Variants in CACNA2D2 observed in about 807,000 individuals in gnomAD.
The protein encoded by CACNA2D2 is voltage-dependent calcium channel subunit alpha-2/delta-2.
CACNA2D2 carries 48 observed loss-of-function variants against 166.4 expected under a neutral mutation model. The observed-to-expected ratio is 0.29, with a 90% CI of 0.23 to 0.37. CACNA2D2 has a LOEUF of 0.37. Ranked by LOEUF, CACNA2D2 falls within the 10% of genes least tolerant of loss-of-function variation. CACNA2D2 has a pLI of 1.00. For missense variants in CACNA2D2, 1,122 were observed against 1,433.0 expected, an observed-to-expected ratio of 0.78 and a Z score of 3.50; for synonymous variants, 561 against 573.7, an observed-to-expected ratio of 0.98 and a Z score of 0.32.
chr3:50,365,268 G>A lies in CACNA2D2; in HGVS notation c.3099-84C>T. The A allele has an allele frequency of 8.3e-7, 1 of 1,208,876 alleles. No homozygotes were observed. Among genetic ancestry groups the A allele is most frequent in the South Asian group, 1.4e-5 (1 of 69,720 alleles). The allele number at this position is 1,208,876 out of a possible 1,614,324, so 74.9% of individuals were successfully genotyped here. ...CCTGCGGCCCCGCCCCCGGCCGCTCGGAGGCCCCGCCCCTTCCATCCTCCC... is the reference window on the plus strand; with the variant it reads ...CCTGCGGCCCCGCCCCCGGCCGCTCAGAGGCCCCGCCCCTTCCATCCTCCC... On this transcript the variant is annotated intron_variant, in intron 35 of 37. Transcript: ENST00000424201. This position sits in a 1 kb window ranked among gnomAD's most constrained non-coding sequence, Gnocchi z 4.5.
intron 1 of CACNA2D2, among the ~76,000 whole-genome samples, chr3:50,477,911 C>T (rs1054690012): frequency 6.6e-6 from 1 of 152,288 alleles, no homozygotes; most frequent in Non-Finnish European, 1.5e-5. Context: ...TCCTGCCCTG[C>T]CTCCTCCACT....
chr3:50,368,513 G>C (rs756936256), intron 23 of CACNA2D2, among the ~76,000 whole-genome samples: 3 of 152,190 alleles, frequency 2.0e-5, no homozygotes, highest in Non-Finnish European at 4.4e-5. Context: ...CTCCGGTGTA[G>C]CTGGACCCAG....
chr3:50,382,587 T>C (rs941357725), intron 6 of CACNA2D2, among the ~76,000 whole-genome samples: 3 of 152,260 alleles, frequency 2.0e-5, no homozygotes, highest in African/African-American at 7.2e-5. Context: ...TTTCAAGCAT[T>C]GGCTCTGCTT....
At chr3:50,471,459 T>G (rs1710091788) in intron 2 of CACNA2D2, among the ~76,000 whole-genome samples, 1 of 152,172 alleles carries the variant, frequency 6.6e-6, no homozygotes, top group South Asian at 2.1e-4. Context: ...CTTCTTCCTC[T>G]TCTGCTCCAG....
intron 2 of CACNA2D2, among the ~76,000 whole-genome samples, chr3:50,472,785 C>A (rs1710153341): frequency 6.6e-6 from 1 of 152,116 alleles, no homozygotes; most frequent in Admixed American, 6.5e-5. Flanking sequence ...CCCCATGCAC[C>A]CCCAGGCACC....
Position 50,367,458 on chromosome 3 carries a change from A to G in CACNA2D2, c.2337T>C (p.Asn779=). The G allele has an allele frequency of 6.8e-6, 11 of 1,613,922 alleles. No homozygotes were observed. The highest frequency in any genetic ancestry group is 7.6e-6 in the Non-Finnish European group (9 of 1,179,996). ...CCAGGCTGCGGCGGTAGAAGCTGGC[A>G]TTGAAGGGCTCAGGGTTCTCTGTCC... ...EDWTENPEPF[N]ASFYRRSLDN... Residue 779 remains asparagine, a synonymous_variant, in exon 27 of 38, where the codon AAT becomes AAC. Transcript: ENST00000424201. This position sits in a 1 kb window ranked among gnomAD's most constrained non-coding sequence, Gnocchi z 6.5.
At chr3:50,404,419 G>C (rs1706593781) in intron 3 of CACNA2D2, among the ~76,000 whole-genome samples, 3 of 152,174 alleles carry the variant, frequency 2.0e-5, no homozygotes, top group Non-Finnish European at 4.4e-5. Context: ...AAGTCCCCGG[G>C]GCTCTGCTGG....
intron 1 of CACNA2D2, among the ~76,000 whole-genome samples, chr3:50,479,504 T>C (rs973898185): frequency 1.3e-5 from 2 of 152,226 alleles, no homozygotes; most frequent in African/African-American, 4.8e-5. Context: ...AGATGTGACT[T>C]TGTGGGTTCT....
intron 2 of CACNA2D2, among the ~76,000 whole-genome samples, chr3:50,448,977 C>G (rs771406700): frequency 6.6e-5 from 10 of 152,228 alleles, no homozygotes; most frequent in Non-Finnish European, 1.2e-4. Context: ...TTCCTGCCCA[C>G]CCCCATCCCA....
intron 2 of CACNA2D2, among the ~76,000 whole-genome samples, chr3:50,438,853 G>C (rs142582406): frequency 1.3e-5 from 2 of 152,226 alleles, no homozygotes; most frequent in African/African-American, 4.8e-5. Flanking sequence ...GGAGAGTGGG[G>C]AAAAGCAAGG....
At chr3:50,501,124 G>A (rs1698944356) in intron 1 of CACNA2D2, among the ~76,000 whole-genome samples, 1 of 152,156 alleles carries the variant, frequency 6.6e-6, no homozygotes, top group South Asian at 2.1e-4. Flanking sequence ...AGAAGGTTCT[G>A]GGAGGTCACC....
At chr3:50,493,701 C>A (rs1325018828) in intron 1 of CACNA2D2, among the ~76,000 whole-genome samples, 1 of 152,244 alleles carries the variant, frequency 6.6e-6, no homozygotes, top group Non-Finnish European at 1.5e-5. Context: ...AGACTCAGAT[C>A]TTGAGGGGGT....
chr3:50,434,297 C>T lies in CACNA2D2; in HGVS notation c.405+16G>A, dbSNP rs2106891492. The T allele has an allele frequency of 6.3e-7, 1 of 1,595,162 alleles. No individual in the cohort carries two copies. The highest frequency in any genetic ancestry group is 1.3e-5 in the African/African-American group (1 of 74,666). The stretch of plus-strand genomic sequence containing the variant: ...TCCCTCAGTGCCGCCCCCCTGCCCC[C>T]AAAACACACACCTACCTTCAGGGCC... On this transcript the variant is annotated intron_variant, in intron 3 of 37. Transcript: ENST00000424201.
chr3:50,482,747 A>G (rs536948486), intron 1 of CACNA2D2, among the ~76,000 whole-genome samples: 7 of 152,316 alleles, frequency 4.6e-5, no homozygotes, highest in African/African-American at 1.7e-4. Context: ...CAGAGACCCA[A>G]TGCAGCAGAG....
chr3:50,419,560 G>T (rs902370778), intron 3 of CACNA2D2, among the ~76,000 whole-genome samples: 2 of 152,158 alleles, frequency 1.3e-5, no homozygotes, highest in East Asian at 3.9e-4. Context: ...CATTGGGCTC[G>T]GGAGTGAACC....
At chr3:50,413,183 T>G (rs1406404108) in intron 3 of CACNA2D2, among the ~76,000 whole-genome samples, 1 of 147,118 alleles carries the variant, frequency 6.8e-6, no homozygotes, top group Non-Finnish European at 1.5e-5. Context: ...GGTAGGGGGG[T>G]GGTGGTGGAG....
At position 50,380,144 on chromosome 3, in the gene CACNA2D2, T is replaced by C. The variant is rs1402153871; in HGVS notation, c.843-126A>G. 7.9e-6 allele frequency: 7 copies of C among 880,922 alleles called. No individual in the cohort carries two copies. In the African/African-American group the frequency reaches 8.3e-5, roughly 10 times the overall value. The allele number at this position is 880,922 out of a possible 1,614,324, so 54.6% of individuals were successfully genotyped here. A position where few individuals can be genotyped will look rare whatever the true frequency, so the allele number is the denominator to read the frequency against. ...GCACTGTGTGGGCCAGGCAGGGTTC[T>C]ATGCACCGATGATACCACATTTAAC... is the stretch of plus-strand genomic sequence containing the variant. On this transcript the variant is annotated intron_variant, in intron 8 of 37. Transcript: ENST00000424201. The surrounding 1 kb of genome is among the most constrained non-coding windows in gnomAD (Gnocchi z 4.9).
At chr3:50,462,834 G>A (rs1363615720) in intron 2 of CACNA2D2, among the ~76,000 whole-genome samples, 2 of 151,804 alleles carry the variant, frequency 1.3e-5, no homozygotes, top group East Asian at 1.9e-4. Flanking sequence ...AGGCGCCTGT[G>A]TAACACTGAT....
rs1705140138 is a variant in CACNA2D2 at position 50,378,926 on chromosome 3, C to T, written c.1328G>A (p.Cys443Tyr). 2 of 1,613,684 alleles carry T rather than the reference C, an allele frequency of 1.2e-6. No individual in the cohort carries two copies. The highest frequency in any genetic ancestry group is 1.3e-5 in the African/African-American group (1 of 74,934). ...CGCAGGGGAGGTACCTTTGTTGGCACAGGCCATCCACTGCAGCGGTGTGAC... is the reference window on the plus strand; with the variant it reads ...CGCAGGGGAGGTACCTTTGTTGGCATAGGCCATCCACTGCAGCGGTGTGAC... ...YDVTPLQWMA[C>Y]ANKGYYFEIP... The change falls in exon 13 of 38, where the codon TGT (cysteine) becomes TAT (tyrosine). Residue 443 changes from cysteine to tyrosine, a missense_variant. Cys to Tyr is a radical substitution (Grantham distance 194). Coordinates refer to ENST00000424201, the MANE Select transcript of CACNA2D2 (RefSeq NM_006030.4).
Sources: gnomAD v4.1 joint callset for allele counts (sites outside exome capture counted in the v4.1 genomes callset) on GRCh38, gnomAD v4.1.1 for gene constraint, Gnocchi (gnomAD v3.1) non-coding constraint, MANE v1.5 for transcripts, NCBI Gene and HGNC (gene_info 2026-07-23, HGNC 2026-07-21) for gene names.